The following ZNF7 variants were observed in gnomAD, a reference collection of about 807,000 sequenced individuals.
ZNF7 encodes C2-H2 type zinc finger protein.
In ZNF7, 10 loss-of-function variants were observed where a neutral mutation model predicts 12.0. The ratio of observed to expected loss-of-function variants is 0.83; its 90% CI spans 0.51 to 1.42. The LOEUF is 1.42. Among genes scored for constraint, ZNF7 ranks in the 40% most tolerant of loss-of-function variants. The pLI is 0.00. For missense variants in ZNF7, 854 were observed against 837.2 expected (o/e 1.02, Z -0.25); for synonymous variants, 334 against 295.0 (o/e 1.13, Z -1.35).
rs368859595 is a variant in ZNF7 at position 144,842,879 on chromosome 8, G to A, written c.1772G>A (p.Ser591Asn). ...YECSECGKAF[S>N]RSSYLIEHQR... The stretch of plus-strand genomic sequence containing the variant: ...TGCAGTGAGTGTGGAAAAGCCTTCA[G>A]CCGGAGCTCATATCTTATTGAACAC... Residue 591 changes from serine (S) to asparagine (N), a missense_variant, in exon 5 of 5, where the codon AGC becomes AAC. By Grantham distance (46) the Ser-to-Asn change is conservative. Transcript: ENST00000532777. 9 of 1,614,104 alleles carry A rather than the reference G, an allele frequency of 5.6e-6. No homozygotes were observed. Among genetic ancestry groups the A allele is most frequent in the Middle Eastern group, 3.3e-4 (2 of 6,084 alleles).
At position 144,843,092 on chromosome 8, in the gene ZNF7, A is replaced by T; in HGVS notation, c.1985A>T (p.Tyr662Phe). 6.2e-7 allele frequency: 1 copy of T among 1,613,010 alleles called. No homozygotes were observed. Among genetic ancestry groups the T allele is most frequent in the Non-Finnish European group, 8.5e-7 (1 of 1,179,700 alleles). The change falls in exon 5 of 5, where the codon TAT (tyrosine) becomes TTT (phenylalanine). Residue 662 changes from tyrosine to phenylalanine, a missense_variant. Physicochemically the swap from Tyr to Phe is conservative, Grantham distance 22 (BLOSUM62 3). Coordinates refer to ENST00000532777, the MANE Select transcript of ZNF7 (RefSeq NM_003416.4). ...AGAATTCACACCGGGGAGAAGCCTT[A>T]TAAATGCAATGACTGTGGCAAAGCT... The part of the protein sequence containing the change: ...HQRIHTGEKP[Y>F]KCNDCGKAFN...
chr8:144,841,447 C>G lies in ZNF7; in HGVS notation c.340C>G (p.Gln114Glu). ...SYGTVVRISP[Q>E]DFPQNPGFGD... is the part of the protein sequence containing the mutation. ...TGGGACAGTGGTCAGAATCTCCCCACAGGACTTTCCTCAGAATCCTGGCTT... is the reference window on the plus strand; with the variant it reads ...TGGGACAGTGGTCAGAATCTCCCCAGAGGACTTTCCTCAGAATCCTGGCTT... Residue 114 changes from glutamine to glutamate, a missense_variant, in exon 5 of 5, where the codon CAG becomes GAG. Gln to Glu is a conservative substitution (Grantham distance 29). Transcript: ENST00000532777. The G allele has an allele frequency of 1.2e-6, 2 of 1,614,236 alleles. No individual in the cohort carries two copies. The highest frequency in any genetic ancestry group is 3.3e-5 in the Admixed American group (2 of 60,024).
downstream of ZNF7, chr8:144,845,945 CA>C: frequency 6.5e-7 from 1 of 1,532,606 alleles, no homozygotes; most frequent in Non-Finnish European, 8.7e-7. Flanking sequence ...TCAGGTCTAG[CA>C]CAGGGGTTGC....
downstream of ZNF7, among the ~76,000 whole-genome samples, chr8:144,845,443 G>A (rs201087801): frequency 2.6e-5 from 4 of 152,106 alleles, no homozygotes; most frequent in East Asian, 1.9e-4. Context: ...AGCACGGTGG[G>A]GTTCTTGGCA....
chr8:144,828,748 G>T, intron 1 of ZNF7: 1 of 413,594 alleles, frequency 2.4e-6, no homozygotes, highest in South Asian at 3.5e-5. Flanking sequence ...TGAAGGCAGG[G>T]TCCTCGTGTC....
At chr8:144,839,842 C>T (rs777843885) in intron 4 of ZNF7, among the ~76,000 whole-genome samples, 5 of 152,240 alleles carry the variant, frequency 3.3e-5, no homozygotes, top group Non-Finnish European at 7.3e-5. Context: ...TGCACCCCCA[C>T]GCTTTTGACC....
chr8:144,841,251 G>C, intron 4 of ZNF7, 104 bp from the exon 5 acceptor site: 1 of 1,209,100 alleles, frequency 8.3e-7, no homozygotes, highest in Non-Finnish European at 1.2e-6. Context: ...ACAGTGCTCA[G>C]TGCAACTATC....
chr8:144,829,692 C>T, intron 3 of ZNF7, 88 bp downstream of exon 3: 4 of 1,498,720 alleles, frequency 2.7e-6, no homozygotes, highest in African/African-American at 2.8e-5. Context: ...GGTATGCAGG[C>T]CAAACGCTCA....
chr8:144,841,376 A>G lies in ZNF7; in HGVS notation c.269A>G (p.Asn90Ser), dbSNP rs1373990455. The part of the protein sequence containing the change: ...SKTDSTIRTE[N>S]EQACEDMDIL... ...TCAGATTCTACGATTAGGACTGAAA[A>G]TGAGCAGGCCTGTGAGGACATGGAC... Residue 90 changes from asparagine to serine, a missense_variant, in exon 5 of 5, where the codon AAT becomes AGT. Coordinates refer to ENST00000532777, the MANE Select transcript of ZNF7 (RefSeq NM_003416.4). The G allele has an allele frequency of 6.2e-7, 1 of 1,605,686 alleles. No homozygotes were observed.
chr8:144,837,996 A>G (rs1232707525), intron 4 of ZNF7: 5 of 685,238 alleles, frequency 7.3e-6, no homozygotes, highest in African/African-American at 5.3e-5. Context: ...ACAGAAATTT[A>G]TTGTCTCACA....
intron 4 of ZNF7, among the ~76,000 whole-genome samples, chr8:144,839,226 C>T (rs1159761209): frequency 1.3e-5 from 2 of 152,144 alleles, no homozygotes; most frequent in African/African-American, 4.8e-5. Context: ...TGTGACCTTA[C>T]TTCCATTCAT....
chr8:144,828,276 G>A (rs1159647655), intron 1 of ZNF7, among the ~76,000 whole-genome samples: 1 of 152,190 alleles, frequency 6.6e-6, no homozygotes, highest in Non-Finnish European at 1.5e-5. Context: ...CTTAATTGAG[G>A]TGAACGATTT....
chr8:144,829,451 C>T (rs372562233), intron 2 of ZNF7, 27 bp from the exon 3 acceptor site: 3 of 1,613,586 alleles, frequency 1.9e-6, no homozygotes, highest in Non-Finnish European at 2.5e-6. Context: ...CCAGGGATTC[C>T]TGGGGTGCTG....
Position 144,842,196 on chromosome 8 carries a change from T to A in ZNF7, c.1089T>A (p.Pro363=), listed in dbSNP as rs760879577. 6.2e-7 allele frequency: 1 copy of A among 1,613,256 alleles called. No homozygotes were observed. Among genetic ancestry groups the A allele is most frequent in the Non-Finnish European group, 8.5e-7 (1 of 1,179,728 alleles). ...QRTHTGERPY[P]CKECGKAFSQ... ...CTCACACTGGGGAGAGGCCCTACCC[T>A]TGCAAGGAGTGTGGGAAGGCCTTCA... Residue 363 remains proline, a synonymous_variant, in exon 5 of 5, where the codon CCT becomes CCA. Coordinates refer to ENST00000532777, the MANE Select transcript of ZNF7 (RefSeq NM_003416.4).
At chr8:144,837,181 TG>T (rs1829105507) in intron 3 of ZNF7, 1 of 403,690 alleles carries the variant, frequency 2.5e-6, no homozygotes, top group Admixed American at 3.7e-5. Flanking sequence ...TATCCCTTGC[TG>T]TCCAGCCACA....
rs2975301 is a variant in ZNF7 at position 144,840,897 on chromosome 8, C to T, written c.248-458C>T. ...TGAGCTCACGTAGTAAGTCCCTTGGCAGCTCTTCCAGCCTTGTTTCCTCAT... is the reference window on the plus strand; with the variant it reads ...TGAGCTCACGTAGTAAGTCCCTTGGTAGCTCTTCCAGCCTTGTTTCCTCAT... On this transcript the variant is annotated intron_variant, in intron 4 of 4. Coordinates refer to ENST00000532777, the MANE Select transcript of ZNF7 (RefSeq NM_003416.4). 5.2e-3 allele frequency: 818 copies of T among 156,638 alleles called. 12 individuals are homozygous for T. The highest frequency in any genetic ancestry group is 0.019 in the African/African-American group (777 of 41,642). The allele number at this position is 156,638 out of a possible 1,614,324, so 9.7% of individuals were successfully genotyped here. A position where few individuals can be genotyped will look rare whatever the true frequency, so the allele number is the denominator to read the frequency against.
At position 144,841,599 on chromosome 8, in the gene ZNF7, C is replaced by T; in HGVS notation, c.492C>T (p.Thr164=). ...AGACTGTGGTTCCCAAGACCTTCAC[C>T]AAGGACGCACCCCAGGGATGTAAGG... ...NEETVVPKTF[T]KDAPQGCKEL... Residue 164 remains threonine (T), a synonymous_variant, in exon 5 of 5, where the codon ACC becomes ACT. Coordinates refer to ENST00000532777, the MANE Select transcript of ZNF7 (RefSeq NM_003416.4). The T allele has an allele frequency of 6.2e-7, 1 of 1,614,152 alleles. No individual in the cohort carries two copies. The highest frequency in any genetic ancestry group is 8.5e-7 in the Non-Finnish European group (1 of 1,180,024).
Position 144,841,259 on chromosome 8 carries a change from AT to A in ZNF7, c.248-95del, listed in dbSNP as rs1469303115. ...GGGCCTCACAGTGCTCAGTGCAACT[AT>A]CCTGGGAGCCTTGAGCCCTGGCCCC... On this transcript the variant is annotated intron_variant, in intron 4 of 4. Transcript: ENST00000532777. 1.7e-5 allele frequency: 22 copies of A among 1,303,838 alleles called. No individual in the cohort carries two copies. The Middle Eastern group carries it at 9.9e-4, about 58-fold the overall frequency. The allele number at this position is 1,303,838 out of a possible 1,614,324, so 80.8% of individuals were successfully genotyped here. A position where few individuals can be genotyped will look rare whatever the true frequency, so the allele number is the denominator to read the frequency against.
downstream of ZNF7, chr8:144,847,249 A>C (rs1030827939): frequency 6.6e-6 from 1 of 152,164 alleles, no homozygotes; most frequent in Non-Finnish European, 1.5e-5. Flanking sequence ...TAACCTGTTC[A>C]CACTGCACTG....
Sources: allele counts gnomAD v4.1 joint callset (sites outside exome capture counted in the v4.1 genomes callset), GRCh38; gene constraint gnomAD v4.1.1; transcripts MANE v1.5; gene names NCBI Gene and HGNC (gene_info 2026-07-23, HGNC 2026-07-21).